PDCD6IP: variants seen among roughly 807,000 people sequenced by gnomAD.
PDCD6IP encodes programmed cell death 6 interacting protein.
PDCD6IP carries 43 observed loss-of-function variants against 103.7 expected under a neutral mutation model. The ratio of observed to expected loss-of-function variants is 0.41; its 90% confidence interval spans 0.32 to 0.53. PDCD6IP has a LOEUF of 0.53. Ranked by LOEUF, PDCD6IP falls within the 20% of genes least tolerant of loss-of-function variation. The pLI, the probability that PDCD6IP is intolerant of heterozygous loss-of-function variation, is 0.16. For synonymous variants in PDCD6IP, 354 were observed against 378.7 expected (o/e 0.93, Z 0.76); for missense variants, 871 against 1,036.7 (o/e 0.84, Z 2.20).
chr3:33,864,518 A>C (rs1698023128), intron 16 of PDCD6IP, among the ~76,000 whole-genome samples: 1 of 152,246 alleles, frequency 6.6e-6, no homozygotes, highest in Admixed American at 6.5e-5. Context: ...AGATGAAAAG[A>C]GATGAAAGTT....
intron 7 of PDCD6IP, among the ~76,000 whole-genome samples, chr3:33,829,839 G>C (rs1182758588): frequency 6.6e-6 from 1 of 152,170 alleles, no homozygotes; most frequent in African/African-American, 2.4e-5. Flanking sequence ...AGGCTGAGAA[G>C]TCGAATATCA....
chr3:33,812,058 GCT>G lies in PDCD6IP; in HGVS notation c.210-11_210-10del. 6.3e-7 allele frequency: 1 copy of G among 1,583,464 alleles called. No individual in the cohort carries two copies. Among genetic ancestry groups the G allele is most frequent in the Non-Finnish European group, 8.6e-7 (1 of 1,167,232 alleles). ...TTTAGCTCTGGTAATTATTAATTCTGCTCTATTTTTTAGATATTATGATCAGA... is the reference window on the plus strand; with the variant it reads ...TTTAGCTCTGGTAATTATTAATTCTGCTATTTTTTAGATATTATGATCAGA... On this transcript the variant is annotated splice_polypyrimidine_tract_variant and intron_variant, in intron 1 of 17. Transcript: ENST00000307296.
intron 9 of PDCD6IP, 47 bp from the exon 10 acceptor site, chr3:33,841,850 T>C (rs1258732656): frequency 1.4e-5 from 18 of 1,247,498 alleles, no homozygotes; most frequent in Non-Finnish European, 2.0e-5. Context: ...TGATGAGGAG[T>C]TAAATTGTTT....
chr3:33,821,732 T>A (rs1696995695), intron 3 of PDCD6IP, among the ~76,000 whole-genome samples: 1 of 152,312 alleles, frequency 6.6e-6, no homozygotes, highest in East Asian at 1.9e-4. Flanking sequence ...AAAGAATAAC[T>A]TACTGTTCTT....
intron 1 of PDCD6IP, among the ~76,000 whole-genome samples, chr3:33,802,339 C>T (rs1389053011): frequency 1.3e-5 from 2 of 152,102 alleles, no homozygotes; most frequent in African/African-American, 4.8e-5. Context: ...TCATTATGAG[C>T]AGCTGTATAC....
At chr3:33,844,617 A>G (rs72861509) in intron 11 of PDCD6IP, among the ~76,000 whole-genome samples, 316 of 152,192 alleles carry the variant, frequency 2.1e-3, no homozygotes, top group African/African-American at 7.1e-3. Flanking sequence ...AGTAGCTGAC[A>G]CTGTAGACAT....
chr3:33,840,663 T>C (rs1371928270), intron 9 of PDCD6IP, among the ~76,000 whole-genome samples: 1 of 151,512 alleles, frequency 6.6e-6, no homozygotes, highest in Non-Finnish European at 1.5e-5. Flanking sequence ...GATAGGGATA[T>C]GTACCTCCCT....
intron 12 of PDCD6IP, among the ~76,000 whole-genome samples, chr3:33,847,000 C>G (rs1285298019): frequency 6.6e-6 from 1 of 152,100 alleles, no homozygotes; most frequent in Non-Finnish European, 1.5e-5. Flanking sequence ...CCCAATGGAA[C>G]AAGGAATGTG....
chr3:33,845,203 G>A (rs1420185563), intron 11 of PDCD6IP, among the ~76,000 whole-genome samples: 1 of 152,010 alleles, frequency 6.6e-6, no homozygotes, highest in Admixed American at 6.6e-5. Flanking sequence ...TGTATTTTAA[G>A]GTATAGCTAT....
rs1012627188 is a variant in PDCD6IP, at chr3:33,866,254, A to G, written c.2433-97A>G. 5 of 795,772 alleles carry G rather than the reference A, an allele frequency of 6.3e-6. No homozygotes were observed. In the African/African-American group the frequency reaches 9.0e-5, roughly 14 times the overall value. The allele number at this position is 795,772 out of a possible 1,614,324, so 49.3% of individuals were successfully genotyped here. A position where few individuals can be genotyped will look rare whatever the true frequency, so the allele number is the denominator to read the frequency against. On this transcript the variant is annotated intron_variant, in intron 17 of 17. Coordinates refer to ENST00000307296, the MANE Select transcript of PDCD6IP (RefSeq NM_013374.6). ...TGTTCTTTAATAGACTAAAAAATAG[A>G]AATGACTTTCATGAAAAACGTAGTT...
chr3:33,840,878 G>C (rs1187101319), intron 9 of PDCD6IP, among the ~76,000 whole-genome samples: 1 of 152,178 alleles, frequency 6.6e-6, no homozygotes, highest in Non-Finnish European at 1.5e-5. Context: ...TGACTTGTTA[G>C]AGATGCTGTA....
intron 11 of PDCD6IP, 115 bp from the exon 12 acceptor site, chr3:33,845,304 G>C (rs1407866499): frequency 1.6e-6 from 1 of 620,538 alleles, no homozygotes; most frequent in Non-Finnish European, 2.7e-6. Context: ...GTGAATTGGG[G>C]TCTATAGAAG....
chr3:33,812,147 T>G, intron 2 of PDCD6IP, 21 bp downstream of exon 2: 1 of 1,595,598 alleles, frequency 6.3e-7, no homozygotes, highest in Middle Eastern at 1.7e-4. Context: ...AATTCTGTCT[T>G]AAAATTATAT....
intron 3 of PDCD6IP, among the ~76,000 whole-genome samples, chr3:33,816,734 G>T (rs1251017716): frequency 6.6e-6 from 1 of 152,074 alleles, no homozygotes; most frequent in Non-Finnish European, 1.5e-5. Flanking sequence ...AATGTGGGTT[G>T]CTCATTTCAG....
At chr3:33,827,418 TGGG>T (rs917349750) in intron 6 of PDCD6IP, among the ~76,000 whole-genome samples, 1 of 152,122 alleles carries the variant, frequency 6.6e-6, no homozygotes, top group African/African-American at 2.4e-5. Context: ...GCAGACAACT[TGGG>T]GGTGAAGTAA....
intron 12 of PDCD6IP, among the ~76,000 whole-genome samples, chr3:33,850,499 T>A (rs895575100): frequency 5.3e-5 from 8 of 152,094 alleles, no homozygotes; most frequent in Non-Finnish European, 1.2e-4. Context: ...TCCTTACTGA[T>A]TTTCTTTTTG....
intron 9 of PDCD6IP, among the ~76,000 whole-genome samples, chr3:33,840,967 C>T (rs1296732011): frequency 6.6e-6 from 1 of 151,678 alleles, no homozygotes; most frequent in African/African-American, 2.4e-5. Flanking sequence ...GAAGTTTGAA[C>T]TGTAAGCCGA....
intron 5 of PDCD6IP, among the ~76,000 whole-genome samples, chr3:33,825,993 C>G (rs931169855): frequency 1.3e-5 from 2 of 151,962 alleles, no homozygotes; most frequent in East Asian, 1.9e-4. Context: ...AAGAATAATT[C>G]TTATAAGGCA....
At position 33,836,234 on chromosome 3, in the gene PDCD6IP, C is replaced by G. The variant is rs151036803; in HGVS notation, c.1025C>G (p.Pro342Arg). The G allele has an allele frequency of 3.9e-5, 63 of 1,610,660 alleles. No homozygotes were observed. In the East Asian group the frequency reaches 1.3e-3, roughly 34 times the overall value. ...IGKATLVKST[P>R]VNVPISQKFT... ...AAAGCCACACTTGTGAAATCTACCC[C>G]GGTCAATGTACCCATCAGTCAGAAA... is the stretch of plus-strand genomic sequence containing the variant. Residue 342 changes from proline to arginine, a missense_variant, in exon 8 of 18, where the codon CCG (proline) becomes CGG (arginine). Pro to Arg is a moderately radical substitution (Grantham distance 103). Coordinates refer to ENST00000307296, the MANE Select transcript of PDCD6IP (RefSeq NM_013374.6).
Sources: gnomAD v4.1 joint callset for allele counts (sites outside exome capture counted in the v4.1 genomes callset) on GRCh38, gnomAD v4.1.1 for gene constraint, MANE v1.5 for transcripts, NCBI Gene and HGNC (gene_info 2026-07-23, HGNC 2026-07-21) for gene names.